SCAF8: variants seen among roughly 807,000 people sequenced by gnomAD.
SCAF8 encodes the protein SR-related and CTD-associated factor 8.
A neutral mutation model predicts 140.5 loss-of-function variants in SCAF8; 23 were observed. The ratio of observed to expected loss-of-function variants is 0.16; its 90% confidence interval spans 0.12 to 0.23. The LOEUF (loss-of-function observed/expected upper bound fraction) is 0.23. Among genes scored for constraint, SCAF8 ranks in the 10% least tolerant of loss-of-function variants. SCAF8 has a pLI of 1.00. For synonymous variants in SCAF8, 575 were observed against 528.9 expected (o/e 1.09, Z -1.20); for missense variants, 1,397 against 1,555.7 (o/e 0.90, Z 1.72).
chr6:154,807,217 G>T (rs568165964), intron 9 of SCAF8, among the ~76,000 whole-genome samples: 4 of 152,282 alleles, frequency 2.6e-5, no homozygotes, highest in East Asian at 3.9e-4. Flanking sequence ...CGAGTCTGTT[G>T]TAAGAATCTC....
intron 1 of SCAF8, among the ~76,000 whole-genome samples, chr6:154,753,956 G>A (rs1778904083): frequency 6.6e-6 from 1 of 152,094 alleles, no homozygotes; most frequent in Non-Finnish European, 1.5e-5. Context: ...TCCCTCCTCG[G>A]CCTCCCAAAG....
intron 3 of SCAF8, among the ~76,000 whole-genome samples, chr6:154,782,302 A>G (rs901678805): frequency 6.6e-6 from 1 of 152,136 alleles, no homozygotes; most frequent in Admixed American, 6.6e-5. Context: ...CCAGCTGCTT[A>G]TGTGGGTGAG....
At chr6:154,827,824 TGGGGC>T (rs1481311748) in intron 18 of SCAF8, among the ~76,000 whole-genome samples, 4 of 40,492 alleles carry the variant, frequency 9.9e-5, no homozygotes, top group East Asian at 8.8e-4. Flanking sequence ...ACACCTTTTT[TGGGGC>T]GGGGCGGGGG....
chr6:154,818,677 G>C, intron 14 of SCAF8, 85 bp downstream of exon 14: 2 of 562,334 alleles, frequency 3.6e-6, no homozygotes, highest in Non-Finnish European at 6.3e-6. Flanking sequence ...TTCACAAGAG[G>C]GTCACAAGCT....
chr6:154,750,659 TTTC>T (rs1271080110), intron 1 of SCAF8, among the ~76,000 whole-genome samples: 1 of 152,218 alleles, frequency 6.6e-6, no homozygotes, highest in African/African-American at 2.4e-5. Context: ...TTTATTAGAA[TTTC>T]TTATCATTAA....
chr6:154,827,044 A>T, intron 17 of SCAF8, 128 bp from the exon 18 acceptor site: 5 of 720,988 alleles, frequency 6.9e-6, no homozygotes, highest in Non-Finnish European at 1.1e-5. Flanking sequence ...AAATAGAAAA[A>T]ATATATATAA....
chr6:154,811,540 CT>C (rs962430200), intron 12 of SCAF8, among the ~76,000 whole-genome samples: 15 of 151,632 alleles, frequency 9.9e-5, no homozygotes, highest in African/African-American at 3.6e-4. Context: ...TAAGTTTTTT[CT>C]TTTTTTTAAA....
intron 16 of SCAF8, among the ~76,000 whole-genome samples, chr6:154,823,538 G>A (rs962575262): frequency 3.9e-5 from 6 of 152,160 alleles, no homozygotes; most frequent in Non-Finnish European, 7.4e-5. Context: ...TGCCTGGTAC[G>A]ATTGGATTTG....
chr6:154,764,390 A>T (rs1281239066), intron 1 of SCAF8, among the ~76,000 whole-genome samples: 4 of 151,996 alleles, frequency 2.6e-5, no homozygotes, highest in African/African-American at 9.7e-5. Context: ...AGGTTATTTC[A>T]ATCTCTGAGG....
intron 17 of SCAF8, among the ~76,000 whole-genome samples, chr6:154,826,017 C>T (rs1010647496): frequency 3.9e-5 from 6 of 151,910 alleles, no homozygotes; most frequent in Admixed American, 1.3e-4. Context: ...AGAAGAAATA[C>T]GGTATGTTGA....
intron 6 of SCAF8, among the ~76,000 whole-genome samples, chr6:154,797,719 C>T (rs1031859509): frequency 6.6e-6 from 1 of 151,408 alleles, no homozygotes; most frequent in African/African-American, 2.4e-5. Flanking sequence ...ATGTTTTAAA[C>T]TTAAGCTCAG....
At chr6:154,782,663 G>T (rs1158545693) in intron 3 of SCAF8, among the ~76,000 whole-genome samples, 4 of 152,050 alleles carry the variant, frequency 2.6e-5, no homozygotes, top group African/African-American at 4.8e-5. Flanking sequence ...CGATCACAAG[G>T]TCCCACAGCA....
intron 4 of SCAF8, among the ~76,000 whole-genome samples, chr6:154,789,778 C>T (rs1161890177): frequency 6.6e-6 from 1 of 152,116 alleles, no homozygotes; most frequent in Non-Finnish European, 1.5e-5. Flanking sequence ...ATCTCCTGAC[C>T]TCGTGATCCG....
intron 1 of SCAF8, among the ~76,000 whole-genome samples, chr6:154,761,827 A>G (rs553532920): frequency 5.3e-5 from 8 of 152,254 alleles, no homozygotes; most frequent in South Asian, 2.1e-4. Context: ...TTGTCGTATT[A>G]TTTTAGAACA....
intron 13 of SCAF8, among the ~76,000 whole-genome samples, chr6:154,816,898 A>C (rs1204624161): frequency 6.6e-6 from 1 of 152,192 alleles, no homozygotes; most frequent in Non-Finnish European, 1.5e-5. Context: ...GTTGTTTTCT[A>C]ATGAGGAAAC....
intron 9 of SCAF8, 75 bp downstream of exon 9, chr6:154,805,561 C>CTT (rs555378273): frequency 1.4e-4 from 66 of 488,374 alleles, no homozygotes; most frequent in South Asian, 1.8e-4. Context: ...TGTGGGTTGG[C>CTT]TTTTTTTTTT....
At chr6:154,818,106 T>A (rs897831295) in intron 13 of SCAF8, among the ~76,000 whole-genome samples, 4 of 152,222 alleles carry the variant, frequency 2.6e-5, no homozygotes, top group African/African-American at 9.6e-5. Flanking sequence ...CTTCAAATAT[T>A]TTGGCCATAT....
intron 7 of SCAF8, 77 bp downstream of exon 7, chr6:154,802,224 A>G (rs1777793305): frequency 1.1e-6 from 1 of 886,656 alleles, no homozygotes; most frequent in Non-Finnish European, 1.6e-6. Flanking sequence ...AATTCTATAA[A>G]TAAATTTTAT....
chr6:154,820,065 TA>T, intron 14 of SCAF8, 111 bp from the exon 15 acceptor site: 1 of 833,776 alleles, frequency 1.2e-6, no homozygotes, highest in Non-Finnish European at 1.7e-6. Context: ...AGCTGTTTTC[TA>T]AAACCAATTT....
Sources: allele counts gnomAD v4.1 joint callset (sites outside exome capture counted in the v4.1 genomes callset), GRCh38; gene constraint gnomAD v4.1.1; transcripts MANE v1.5; gene names NCBI Gene and HGNC (gene_info 2026-07-23, HGNC 2026-07-21).